TYRP1: variants seen among roughly 807,000 people sequenced by gnomAD.
TYRP1 encodes the protein tyrosinase related protein 1.
Under a neutral mutation model 42.8 loss-of-function variants are expected in TYRP1, and 49 were observed. The observed-to-expected ratio is 1.14, with a 90% CI of 0.91 to 1.45. The LOEUF (loss-of-function observed/expected upper bound fraction) is 1.45, where lower values mean the gene tolerates loss of function less well. Among genes scored for constraint, TYRP1 ranks in the 40% most tolerant of loss-of-function variants. TYRP1 has a pLI of 0.00. For synonymous variants in TYRP1, 279 were observed against 235.4 expected (o/e 1.19, Z -1.69); for missense variants, 848 against 662.0 (o/e 1.28, Z -3.08).
Position 12,695,749 on chromosome 9 carries a change from G to T in TYRP1, c.620G>T (p.Ser207Ile), listed in dbSNP as rs144206983. 10 of 1,614,172 alleles carry T rather than the reference G, an allele frequency of 6.2e-6. No homozygotes were observed. In the African/African-American group the frequency reaches 1.1e-4, roughly 17 times the overall value. Reference sequence around the variant, plus strand: ...ACTTTCCTTGGGGTAGGACAGGAAAGCTTTGGTGAAGTGGATTTCTCTCAT... The same window carrying T: ...ACTTTCCTTGGGGTAGGACAGGAAATCTTTGGTGAAGTGGATTTCTCTCAT... ...KKTFLGVGQE[S>I]FGEVDFSHEG... Residue 207 changes from serine (S) to isoleucine (I), a missense_variant, in exon 3 of 8, where the codon AGC (serine) becomes ATC (isoleucine). Ser to Ile is a moderately radical substitution (Grantham distance 142). Coordinates refer to ENST00000388918, the MANE Select transcript of TYRP1 (RefSeq NM_000550.3).
intron 3 of TYRP1, 90 bp downstream of exon 3, chr9:12,695,927 C>A: frequency 7.0e-7 from 1 of 1,435,220 alleles, no homozygotes; most frequent in Non-Finnish European, 9.6e-7. Flanking sequence ...TCAGAATCAT[C>A]AGAACATTTG....
rs746824848 is a variant in TYRP1, at chr9:12,708,989, G to A, written c.1421G>A (p.Ser474Asn). 10 of 1,612,314 alleles carry A rather than the reference G, an allele frequency of 6.2e-6. No individual in the cohort carries two copies. The Middle Eastern group carries it at 6.6e-4, about 106-fold the overall frequency. The part of the protein sequence containing the change: ...YEIQWPSREF[S>N]VPEIIAIAVV... ...CCTTTCCAAATAGGTCGGGAGTTTA[G>A]TGTACCTGAGATAATTGCCATAGCA... Residue 474 changes from serine (S) to asparagine (N), a missense_variant, in exon 8 of 8, where the codon AGT becomes AAT. Transcript: ENST00000388918.
intron 5 of TYRP1, among the ~76,000 whole-genome samples, chr9:12,703,201 A>G (rs954533568): frequency 7.9e-5 from 12 of 151,902 alleles, no homozygotes; most frequent in African/African-American, 2.9e-4. Context: ...TTATTGTTAA[A>G]TTTTTACCTT....
chr9:12,708,664 A>ACTT (rs778788930), intron 7 of TYRP1, among the ~76,000 whole-genome samples: 2 of 152,038 alleles, frequency 1.3e-5, no homozygotes, highest in East Asian at 3.9e-4. Flanking sequence ...AAAGTACAAG[A>ACTT]CTTATATTCT....
chr9:12,705,163 A>C (rs180879870), intron 6 of TYRP1, among the ~76,000 whole-genome samples: 159 of 152,142 alleles, frequency 1.0e-3, no homozygotes, highest in Admixed American at 2.2e-3. Flanking sequence ...ATTGTGTTCC[A>C]CTTGAAAAGT....
Position 12,706,024 on chromosome 9 carries a change from A to T in TYRP1, c.1261+1319A>T, listed in dbSNP as rs1586846461. The stretch of plus-strand genomic sequence containing the variant: ...ATATTTTAGCCATACACCTTTAACA[A>T]ATCTTTCCAAAATGTTCAATTTACA... On this transcript the variant is annotated intron_variant, in intron 6 of 7. Coordinates refer to ENST00000388918, the MANE Select transcript of TYRP1 (RefSeq NM_000550.3). Among the ~76,000 whole-genome samples the T allele has an allele frequency of 3.3e-5, 5 of 152,176 alleles. No homozygotes were observed. The Middle Eastern group carries it at 0.017, about 518-fold the overall frequency.
chr9:12,702,168 A>G (rs1818179608), intron 4 of TYRP1, 103 bp from the exon 5 acceptor site: 1 of 1,268,606 alleles, frequency 7.9e-7, no homozygotes, highest in African/African-American at 1.5e-5. Flanking sequence ...TCTACCAAGG[A>G]AAACCTATAT....
chr9:12,705,134 T>C (rs1191135153), intron 6 of TYRP1, among the ~76,000 whole-genome samples: 1 of 152,076 alleles, frequency 6.6e-6, no homozygotes, highest in African/African-American at 2.4e-5. Context: ...TATTACTTAA[T>C]GGCCCCTCAC....
Position 12,708,079 on chromosome 9 carries a change from C to A in TYRP1, c.1344C>A (p.Thr448=). The change falls in exon 7 of 8, where the codon ACC becomes ACA. Residue 448 remains threonine (T), a synonymous_variant. Coordinates refer to ENST00000388918, the MANE Select transcript of TYRP1 (RefSeq NM_000550.3). ...YNMVPFWPPV[T]NTEMFVTAPD... is the part of the protein sequence containing the mutation. ...TGGTGCCATTCTGGCCCCCAGTCAC[C>A]AACACAGAAATGTTTGTTACTGCTC... 1 of 1,612,776 alleles carries A rather than the reference C, an allele frequency of 6.2e-7. No individual in the cohort carries two copies. The highest frequency in any genetic ancestry group is 8.5e-7 in the Non-Finnish European group (1 of 1,179,292).
intron 5 of TYRP1, 105 bp downstream of exon 5, chr9:12,702,543 T>A: frequency 1.8e-6 from 2 of 1,127,946 alleles, no homozygotes; most frequent in Admixed American, 4.1e-5. Flanking sequence ...ATATTAATCC[T>A]GTGTGTTTAT....
intron 5 of TYRP1, among the ~76,000 whole-genome samples, chr9:12,702,869 C>T (rs148031683): frequency 8.2e-4 from 124 of 151,956 alleles, no homozygotes; most frequent in Middle Eastern, 3.4e-3. Context: ...GCCTTGCTTG[C>T]GCATATGTTT....
intron 5 of TYRP1, 146 bp from the exon 6 acceptor site, chr9:12,704,380 T>C: frequency 1.3e-6 from 1 of 759,384 alleles, no homozygotes; most frequent in Admixed American, 2.0e-5. Flanking sequence ...CAACCATAGG[T>C]ACAGAGAAGC....
rs1486517906 is a variant in TYRP1, at chr9:12,704,449, A to C, written c.1082-77A>C. The stretch of plus-strand genomic sequence containing the variant: ...CGAGCCTTGAAAAAATTGTTTCCCA[A>C]TATAATCATTGCTATTACCTGGAAA... On this transcript the variant is annotated intron_variant, in intron 5 of 7. Transcript: ENST00000388918. 3 of 1,522,822 alleles carry C rather than the reference A, an allele frequency of 2.0e-6. No individual in the cohort carries two copies. In the African/African-American group the frequency reaches 4.1e-5, roughly 21 times the overall value. 94.3% of individuals were successfully genotyped at this position (1,522,822 alleles called of 1,614,324 possible). A position where few individuals can be genotyped will look rare whatever the true frequency, so the allele number is the denominator to read the frequency against.
Position 12,693,482 on chromosome 9 carries a change from C to A in TYRP1, c.-86+4C>A. 1 of 160,664 alleles carries A rather than the reference C, an allele frequency of 6.2e-6. No homozygotes were observed. The highest frequency in any genetic ancestry group is 1.4e-5 in the Non-Finnish European group (1 of 72,776). The allele number at this position is 160,664 out of a possible 1,614,324, so 10.0% of individuals were successfully genotyped here. A position where few individuals can be genotyped will look rare whatever the true frequency, so the allele number is the denominator to read the frequency against. ...AGACATCCTTCAGGATTGTGAGGTA[C>A]TGGAAAGAAGTCCTATGGGGAGTGG... On this transcript the variant is annotated splice_donor_region_variant and intron_variant, in intron 1 of 7. Coordinates refer to ENST00000388918, the MANE Select transcript of TYRP1 (RefSeq NM_000550.3).
At chr9:12,708,281 G>T in intron 7 of TYRP1, 138 bp downstream of exon 7, 1 of 1,062,530 alleles carries the variant, frequency 9.4e-7, no homozygotes, top group South Asian at 1.5e-5. Flanking sequence ...TTTATTTGAG[G>T]ATAAGGGAAG....
intron 7 of TYRP1, 31 bp downstream of exon 7, chr9:12,708,174 T>C: frequency 6.2e-7 from 1 of 1,611,460 alleles, no homozygotes; most frequent in South Asian, 1.1e-5. Flanking sequence ...TTTACTGTGA[T>C]AATTTCCAAA....
Position 12,698,536 on chromosome 9 carries a change from T to A in TYRP1, c.794T>A (p.Leu265Ter). The change falls in exon 4 of 8, where the codon TTG becomes TAG. Residue 265 changes from leucine (L) to a stop codon, truncating the protein, a stop_gained. Coordinates refer to ENST00000388918, the MANE Select transcript of TYRP1 (RefSeq NM_000550.3). LOFTEE classifies it high-confidence loss of function. ...GTCTGTGATATCTGCACGGATGACT[T>A]GATGGGATCCAGAAGCAACTTTGAT... ...KNVCDICTDD[L>*]MGSRSNFDST... 1 of 1,613,818 alleles carries A rather than the reference T, an allele frequency of 6.2e-7. No homozygotes were observed. The highest frequency in any genetic ancestry group is 1.6e-4 in the Middle Eastern group (1 of 6,062).
At position 12,708,116 on chromosome 9, in the gene TYRP1, G is replaced by C; in HGVS notation, c.1381G>C (p.Gly461Arg). 1 of 1,612,658 alleles carries C rather than the reference G, an allele frequency of 6.2e-7. No individual in the cohort carries two copies. The highest frequency in any genetic ancestry group is 8.5e-7 in the Non-Finnish European group (1 of 1,179,266). ...GTTTGTTACTGCTCCAGACAACCTG[G>C]GATACACTTATGAAATTCAATGGCC... ...EMFVTAPDNL[G>R]YTYEIQWPSR... Residue 461 changes from glycine to arginine, a missense_variant, in exon 7 of 8, where the codon GGA becomes CGA. By Grantham distance (125) the Gly-to-Arg change is moderately radical. Transcript: ENST00000388918.
intron 6 of TYRP1, among the ~76,000 whole-genome samples, 169 bp downstream of exon 6, chr9:12,704,874 A>C (rs988946548): frequency 2.1e-4 from 32 of 152,050 alleles, no homozygotes; most frequent in African/African-American, 7.7e-4. Context: ...TTGAAAATGC[A>C]GGCAAGAAGT....
Sources: allele counts gnomAD v4.1 joint callset (sites outside exome capture counted in the v4.1 genomes callset), GRCh38; gene constraint gnomAD v4.1.1; transcripts MANE v1.5; gene names NCBI Gene and HGNC (gene_info 2026-07-23, HGNC 2026-07-21).